The following EHMT1 variants were observed in gnomAD, a reference collection of about 807,000 sequenced individuals.
The protein encoded by EHMT1 is euchromatic histone lysine methyltransferase 1, also known as histone-lysine N-methyltransferase EHMT1.
A neutral mutation model predicts 147.2 loss-of-function variants in EHMT1; 15 were observed. The observed-to-expected ratio is 0.10, with a 90% CI of 0.07 to 0.16. EHMT1 has a LOEUF of 0.16. Among genes scored for constraint, EHMT1 ranks in the 10% least tolerant of loss-of-function variants. The probability of loss-of-function intolerance (pLI) is 1.00; values close to 1 mark genes in which losing one functional copy is unlikely to be tolerated. For missense variants in EHMT1, 1,587 were observed against 1,772.4 expected (o/e 0.90, Z 1.88); for synonymous variants, 795 against 709.6 (o/e 1.12, Z -1.91).
intron 3 of EHMT1, among the ~76,000 whole-genome samples, chr9:137,722,056 G>A (rs939768031): frequency 2.6e-5 from 4 of 151,886 alleles, no homozygotes; most frequent in Admixed American, 1.3e-4. Context: ...AAAGTCTGAG[G>A]CTTGGGCTGA....
At chr9:137,688,327 A>G (rs1454682898) in intron 1 of EHMT1, among the ~76,000 whole-genome samples, 3 of 152,108 alleles carry the variant, frequency 2.0e-5, no homozygotes, top group African/African-American at 7.2e-5. Context: ...CCCAGCGTGG[A>G]ACTGTTCTTG....
chr9:137,698,030 C>G (rs1348635833), intron 1 of EHMT1, among the ~76,000 whole-genome samples: 1 of 148,848 alleles, frequency 6.7e-6, no homozygotes, highest in Non-Finnish European at 1.5e-5. Flanking sequence ...AGGCCTCAAT[C>G]CCCACTGTCG....
intron 1 of EHMT1, among the ~76,000 whole-genome samples, chr9:137,681,513 AAT>A (rs1941934081): frequency 1.3e-5 from 2 of 152,284 alleles, no homozygotes; most frequent in South Asian, 4.2e-4. Context: ...GTAGTAGCAA[AAT>A]ATGTTGTTTT....
In EHMT1 at chr9:137,716,879, C is replaced by T. The variant is rs1455743308; in HGVS notation, c.339C>T (p.Asp113=). The part of the protein sequence containing the change: ...AAKQNHVTAD[D]FVQTSVIGSN... The stretch of plus-strand genomic sequence containing the variant: ...AGCAAAACCACGTCACTGCCGACGA[C>T]TTTGTGCAGACTTCTGTCATCGGCA... The change falls in exon 3 of 27, where the codon GAC becomes GAT. Residue 113 remains aspartate, a synonymous_variant. Coordinates refer to ENST00000460843, the MANE Select transcript of EHMT1 (RefSeq NM_024757.5). The T allele has an allele frequency of 2.5e-6, 4 of 1,613,260 alleles. No homozygotes were observed. In the South Asian group the frequency reaches 4.4e-5, roughly 18 times the overall value.
chr9:137,622,409 C>T (rs1333183318), intron 1 of EHMT1, among the ~76,000 whole-genome samples: 3 of 152,084 alleles, frequency 2.0e-5, no homozygotes, highest in Admixed American at 6.6e-5. Context: ...CGTGAGCCAC[C>T]GCCCCCGGCC....
chr9:137,675,879 G>A (rs1339818615), intron 1 of EHMT1, among the ~76,000 whole-genome samples: 2 of 145,130 alleles, frequency 1.4e-5, no homozygotes, highest in Admixed American at 6.8e-5. Context: ...CGCCTCCCGG[G>A]TTCACGCCAT....
chr9:137,811,256 G>C (rs1954459471), intron 18 of EHMT1, among the ~76,000 whole-genome samples: 1 of 152,106 alleles, frequency 6.6e-6, no homozygotes, highest in Non-Finnish European at 1.5e-5. Flanking sequence ...AACAAAACAT[G>C]AAACGAAGTG....
At chr9:137,800,698 T>C (rs555217970) in intron 17 of EHMT1, 182 bp from the exon 18 acceptor site, 1 of 622,688 alleles carries the variant, frequency 1.6e-6, no homozygotes, top group Non-Finnish European at 2.9e-6. Flanking sequence ...CTTGTGGAGC[T>C]ACCTGGGCTG....
intron 2 of EHMT1, among the ~76,000 whole-genome samples, chr9:137,711,661 T>C (rs1012982410): frequency 3.3e-5 from 5 of 152,062 alleles, no homozygotes; most frequent in African/African-American, 4.8e-5. Context: ...TCGGCGGGGC[T>C]GCACCCCTCT....
intron 25 of EHMT1, among the ~76,000 whole-genome samples, chr9:137,818,585 CCGAT>C (rs1468889061): frequency 0.016 from 1,766 of 111,926 alleles, 61 homozygotes; most frequent in African/African-American, 0.047. Context: ...CGTAGAGAGG[CCGAT>C]TGAGGGGCGC....
chr9:137,817,344 C>A, intron 23 of EHMT1, 95 bp from the exon 24 acceptor site: 1 of 1,400,664 alleles, frequency 7.1e-7, no homozygotes, highest in Admixed American at 1.7e-5. Flanking sequence ...TTTTCTTCCT[C>A]ATTTCAGTGA....
intron 1 of EHMT1, among the ~76,000 whole-genome samples, chr9:137,643,721 C>T (rs10780179): frequency 0.17 from 26,327 of 152,044 alleles, 2,534 homozygotes; most frequent in Admixed American, 0.3. Context: ...AACCATTGCT[C>T]ATCTCTCAGG....
At chr9:137,750,997 T>G (rs1320044291) in intron 6 of EHMT1, among the ~76,000 whole-genome samples, 1 of 152,140 alleles carries the variant, frequency 6.6e-6, no homozygotes, top group Non-Finnish European at 1.5e-5. Flanking sequence ...CATTCTAGAG[T>G]CTGACAGTGG....
Position 137,647,306 on chromosome 9 carries a change from C to T in EHMT1, c.21+28257C>T, listed in dbSNP as rs572392725. On this transcript the variant is annotated intron_variant, in intron 1 of 26. Transcript: ENST00000460843. ...TGGCTCCAGGTTGACTCCATGTTGA[C>T]TGCATGGAAAACTGATAGGCACCTT... Among the ~76,000 whole-genome samples the T allele has an allele frequency of 2.0e-5, 3 of 152,258 alleles. No individual in the cohort carries two copies. The South Asian group carries it at 6.2e-4, about 32-fold the overall frequency.
intron 1 of EHMT1, among the ~76,000 whole-genome samples, chr9:137,653,702 A>C (rs2133979369): frequency 6.6e-6 from 1 of 151,954 alleles, no homozygotes; most frequent in East Asian, 1.9e-4. Context: ...TTAATTTTGT[A>C]TTTTTAGTAG....
intron 18 of EHMT1, chr9:137,803,004 C>T: frequency 2.4e-6 from 3 of 1,231,532 alleles, no homozygotes; most frequent in Non-Finnish European, 3.0e-6. Flanking sequence ...GCAGAGGCCA[C>T]CCCCAGGTGG....
intron 1 of EHMT1, among the ~76,000 whole-genome samples, chr9:137,623,210 C>G (rs940288518): frequency 2.0e-5 from 3 of 146,976 alleles, no homozygotes; most frequent in Non-Finnish European, 4.5e-5. Flanking sequence ...AAGACTCCGT[C>G]TCAAAAAAAA....
In EHMT1 at chr9:137,713,366, T is replaced by A. The variant is rs899313228; in HGVS notation, c.85+2336T>A. 5.5e-5 allele frequency among the ~76,000 whole-genome samples: 8 copies of A among 146,592 alleles called. No homozygotes were observed. The South Asian group carries it at 1.8e-3, about 32-fold the overall frequency. Reference sequence around the variant, plus strand: ...CTCACTGCAAGCTCCGCTTCCCGGGTTCACGCCATTCTTCTGCCTCAGCCT... The same window carrying A: ...CTCACTGCAAGCTCCGCTTCCCGGGATCACGCCATTCTTCTGCCTCAGCCT... On this transcript the variant is annotated intron_variant, in intron 2 of 26. Transcript: ENST00000460843.
intron 24 of EHMT1, chr9:137,817,793 G>A: frequency 1.6e-6 from 1 of 623,596 alleles, no homozygotes; most frequent in East Asian, 2.7e-5. Flanking sequence ...GCGTGGTCCA[G>A]CATGGGCAGT....
Sources: gnomAD v4.1 joint callset for allele counts (sites outside exome capture counted in the v4.1 genomes callset) on GRCh38, gnomAD v4.1.1 for gene constraint, MANE v1.5 for transcripts, NCBI Gene and HGNC (gene_info 2026-07-23, HGNC 2026-07-21) for gene names.